GPC5: variants seen among roughly 807,000 people sequenced by gnomAD.
The protein encoded by GPC5 is glypican 5.
GPC5 carries 47 observed loss-of-function variants against 53.9 expected under a neutral mutation model. The ratio of observed to expected loss-of-function variants is 0.87; its 90% CI spans 0.69 to 1.11. GPC5 has a LOEUF of 1.11. Among genes scored for constraint, GPC5 ranks in the 50% most tolerant of loss-of-function variants. The pLI, the probability that GPC5 is intolerant of heterozygous loss-of-function variation, is 0.00. For synonymous variants in GPC5, 286 were observed against 263.3 expected (o/e 1.09, Z -0.84); for missense variants, 748 against 713.1 (o/e 1.05, Z -0.56).
In GPC5 at chr13:92,562,335, C is replaced by T. The variant is rs543185605; in HGVS notation, c.1562-303947C>T. Among the ~76,000 whole-genome samples the T allele has an allele frequency of 2.6e-5, 4 of 152,156 alleles. 1 individual carries two copies. In the South Asian group the frequency reaches 8.3e-4, roughly 32 times the overall value. On this transcript the variant is annotated intron_variant, in intron 7 of 7. Transcript: ENST00000377067. ...GCTCTTGCCAAGAAGTCTGTGTTCT[C>T]CTTCCACCATATTCTCTCCACTCTC...
At chr13:92,539,620 G>C (rs1175380795) in intron 7 of GPC5, among the ~76,000 whole-genome samples, 1 of 151,822 alleles carries the variant, frequency 6.6e-6, no homozygotes, top group Non-Finnish European at 1.5e-5. Flanking sequence ...TCTGTAGGTT[G>C]CCTGTTCACT....
At chr13:92,532,974 T>C (rs2138990208) in intron 7 of GPC5, among the ~76,000 whole-genome samples, 1 of 152,300 alleles carries the variant, frequency 6.6e-6, no homozygotes, top group Admixed American at 6.5e-5. Context: ...TGGCAAGTAC[T>C]AACATAATCC....
chr13:91,683,626 T>C (rs2035557644), intron 2 of GPC5, among the ~76,000 whole-genome samples: 1 of 152,210 alleles, frequency 6.6e-6, no homozygotes. Flanking sequence ...TGACTCTTTC[T>C]CTTGACTTCA....
At chr13:91,670,001 C>A (rs2035207389) in intron 2 of GPC5, among the ~76,000 whole-genome samples, 2 of 152,282 alleles carry the variant, frequency 1.3e-5, no homozygotes, top group South Asian at 4.1e-4. Flanking sequence ...TATTATTGGA[C>A]ACTGAGTGAA....
At chr13:91,875,669 C>G (rs1159941217) in intron 5 of GPC5, among the ~76,000 whole-genome samples, 1 of 151,956 alleles carries the variant, frequency 6.6e-6, no homozygotes, top group Non-Finnish European at 1.5e-5. Context: ...TTTTTCTCTT[C>G]TTGAATCATA....
chr13:91,681,200 A>G (rs988046440), intron 2 of GPC5, among the ~76,000 whole-genome samples: 2 of 152,188 alleles, frequency 1.3e-5, no homozygotes, highest in African/African-American at 4.8e-5. Context: ...AAGTGGTGCT[A>G]TATTTTGAGC....
intron 7 of GPC5, among the ~76,000 whole-genome samples, chr13:92,390,192 G>T (rs1033785463): frequency 1.3e-5 from 2 of 152,088 alleles, no homozygotes; most frequent in African/African-American, 4.8e-5. Flanking sequence ...ACTGAAGAAA[G>T]ATTATTTTAT....
rs143963211 is a variant in GPC5, at chr13:92,544,188, A to G, written c.1562-322094A>G. ...GTTGGGTTCACTTGTAGACTTGCTT[A>G]GTATTTCCATCACCACCCATCCTGG... On this transcript the variant is annotated intron_variant, in intron 7 of 7. Transcript: ENST00000377067. 3.6e-3 allele frequency among the ~76,000 whole-genome samples: 541 copies of G among 152,182 alleles called. 3 individuals are homozygous for G. Among genetic ancestry groups the G allele is most frequent in the African/African-American group, 0.012 (518 of 41,544 alleles).
rs537722238 is a variant in GPC5, at chr13:91,611,032, G to A, written c.326-82155G>A. The stretch of plus-strand genomic sequence containing the variant: ...TCTTTCAGCATGTCTGTTAGAAATT[G>A]CCAGGGAGTCTGGATCCCACTGGGT... On this transcript the variant is annotated intron_variant, in intron 2 of 7. Transcript: ENST00000377067. 1.3e-4 allele frequency among the ~76,000 whole-genome samples: 20 copies of A among 152,288 alleles called. No individual in the cohort carries two copies. In the South Asian group the frequency reaches 3.5e-3, roughly 27 times the overall value.
chr13:92,116,448 G>GAA (rs2041602590), intron 6 of GPC5, among the ~76,000 whole-genome samples: 1 of 152,076 alleles, frequency 6.6e-6, no homozygotes, highest in Non-Finnish European at 1.5e-5. Context: ...TAAGCCTCCC[G>GAA]GTTTGTGATT....
At chr13:92,267,680 C>T (rs2042811862) in intron 7 of GPC5, among the ~76,000 whole-genome samples, 1 of 151,396 alleles carries the variant, frequency 6.6e-6, no homozygotes, top group Admixed American at 6.6e-5. Flanking sequence ...TAGAATATGG[C>T]AAACTGCATT....
chr13:91,882,845 T>C (rs2039282347), intron 5 of GPC5, among the ~76,000 whole-genome samples: 2 of 152,100 alleles, frequency 1.3e-5, no homozygotes. Context: ...CAGTTTTTGC[T>C]AATTATGTGT....
intron 5 of GPC5, among the ~76,000 whole-genome samples, chr13:91,836,064 G>C (rs1315070931): frequency 2.0e-5 from 3 of 151,968 alleles, no homozygotes; most frequent in Non-Finnish European, 1.5e-5. Context: ...TAATGTGATG[G>C]TGTGGGGGAA....
chr13:92,275,873 T>C (rs943136484), intron 7 of GPC5, among the ~76,000 whole-genome samples: 2 of 152,160 alleles, frequency 1.3e-5, no homozygotes, highest in Non-Finnish European at 2.9e-5. Flanking sequence ...AGTGACCCAG[T>C]AATAGGTTGA....
At chr13:92,860,119 T>G (rs144537701) in intron 7 of GPC5, among the ~76,000 whole-genome samples, 1 of 152,212 alleles carries the variant, frequency 6.6e-6, no homozygotes, top group Non-Finnish European at 1.5e-5. Context: ...GAATATCTCA[T>G]TACTTCATTT....
chr13:91,712,215 G>A (rs951660190), intron 3 of GPC5, among the ~76,000 whole-genome samples: 15 of 151,828 alleles, frequency 9.9e-5, no homozygotes, highest in South Asian at 2.1e-4. Flanking sequence ...CATATGCACC[G>A]AGAATTATTA....
intron 6 of GPC5, among the ~76,000 whole-genome samples, chr13:91,912,661 A>G (rs1000068998): frequency 1.3e-5 from 2 of 152,158 alleles, no homozygotes; most frequent in African/African-American, 4.8e-5. Context: ...TGGTGCTGGC[A>G]TATTATCCTA....
rs9561087 is a variant in GPC5, at chr13:92,569,192, C to G, written c.1562-297090C>G. ...AACATGCGGTGTTTGGTTTTTTGTC[C>G]TTGTAATAGTTTACTGAGAATGATG... On this transcript the variant is annotated intron_variant, in intron 7 of 7. Coordinates refer to ENST00000377067, the MANE Select transcript of GPC5 (RefSeq NM_004466.6). Among the ~76,000 whole-genome samples the G allele has an allele frequency of 4.7e-5, 7 of 149,696 alleles. No individual in the cohort carries two copies. In the East Asian group the frequency reaches 1.4e-3, roughly 30 times the overall value.
chr13:92,450,896 T>A (rs1217885385), intron 7 of GPC5, among the ~76,000 whole-genome samples: 1 of 152,192 alleles, frequency 6.6e-6, no homozygotes, highest in Non-Finnish European at 1.5e-5. Context: ...GGAATAATAC[T>A]GAGTTATTGA....
Sources: gnomAD v4.1 joint callset for allele counts (sites outside exome capture counted in the v4.1 genomes callset) on GRCh38, gnomAD v4.1.1 for gene constraint, MANE v1.5 for transcripts, NCBI Gene and HGNC (gene_info 2026-07-23, HGNC 2026-07-21) for gene names.